DGKH: variants seen among roughly 807,000 people sequenced by gnomAD.
The protein encoded by DGKH is DAG kinase eta.
In DGKH, 90 loss-of-function variants were observed where a neutral mutation model predicts 159.3. That is an observed-to-expected ratio of 0.57 (90% CI 0.48 to 0.67). The LOEUF (loss-of-function observed/expected upper bound fraction) is 0.67. Among genes scored for constraint, DGKH ranks in the 30% least tolerant of loss-of-function variants. The probability of loss-of-function intolerance (pLI) is 0.00; values close to 1 mark genes in which losing one functional copy is unlikely to be tolerated. For missense variants in DGKH, 1,181 were observed against 1,506.1 expected, an observed-to-expected ratio of 0.78 and a Z score of 3.57; for synonymous variants, 536 against 553.8, an observed-to-expected ratio of 0.97 and a Z score of 0.45.
chr13:42,143,459 G>A (rs944206817), intron 3 of DGKH, among the ~76,000 whole-genome samples: 22 of 152,248 alleles, frequency 1.4e-4, no homozygotes, highest in African/African-American at 3.6e-4. Context: ...GATTGGAATG[G>A]TTTCAGAAGG....
intron 1 of DGKH, among the ~76,000 whole-genome samples, chr13:42,041,875 T>C (rs1195355320): frequency 6.6e-6 from 1 of 152,254 alleles, no homozygotes; most frequent in Non-Finnish European, 1.5e-5. Flanking sequence ...GTTCGGATGC[T>C]GTTTTCCCAG....
At chr13:42,202,212 T>C (rs1477819506) in intron 20 of DGKH, among the ~76,000 whole-genome samples, 2 of 152,188 alleles carry the variant, frequency 1.3e-5, no homozygotes, top group Non-Finnish European at 2.9e-5. Context: ...CTCTTTGCCA[T>C]CATTAACAAA....
intron 3 of DGKH, among the ~76,000 whole-genome samples, chr13:42,148,925 A>G (rs1192069107): frequency 1.1e-5 from 1 of 93,650 alleles, no homozygotes; most frequent in East Asian, 3.1e-4. Flanking sequence ...CTTCCCACCC[A>G]CAACCCCGCC....
At chr13:42,129,499 G>A (rs1955243986) in intron 2 of DGKH, 53 bp from the exon 3 acceptor site, 8 of 1,434,274 alleles carry the variant, frequency 5.6e-6, no homozygotes, top group Non-Finnish European at 7.7e-6. Context: ...GTATTGAAGA[G>A]CATTGAGTTA....
intron 2 of DGKH, among the ~76,000 whole-genome samples, chr13:42,128,625 T>C (rs1955220620): frequency 1.1e-5 from 1 of 90,022 alleles, no homozygotes; most frequent in African/African-American, 4.6e-5. Context: ...CAAATAGTCC[T>C]TATTCCATGA....
rs754263451 is a variant in DGKH, at chr13:42,215,559, T to C, written c.3121-16T>C. The C allele has an allele frequency of 1.9e-6, 3 of 1,581,614 alleles. No individual in the cohort carries two copies. The highest frequency in any genetic ancestry group is 3.3e-4 in the Middle Eastern group (2 of 6,018). On this transcript the variant is annotated splice_polypyrimidine_tract_variant and intron_variant, in intron 25 of 29. Coordinates refer to ENST00000337343, the MANE Select transcript of DGKH (RefSeq NM_178009.5). Reference sequence around the variant, plus strand: ...TTTAATACAGATCACATGTCTTTGATATTCTTCTTTTCTAGAGTCTTACAA... The same window carrying C: ...TTTAATACAGATCACATGTCTTTGACATTCTTCTTTTCTAGAGTCTTACAA...
At position 42,162,788 on chromosome 13, in the gene DGKH, G is replaced by C. The variant is rs143462520; in HGVS notation, c.856-2543G>C. Among the ~76,000 whole-genome samples the C allele has an allele frequency of 7.9e-5, 12 of 152,026 alleles. No homozygotes were observed. The East Asian group carries it at 1.9e-3, about 25-fold the overall frequency. On this transcript the variant is annotated intron_variant, in intron 7 of 29. Coordinates refer to ENST00000337343, the MANE Select transcript of DGKH (RefSeq NM_178009.5). ...CATTGCACTCCAGCTTGGGCAACAA[G>C]AGTGAAACTCCATGTCAAAACACAA...
rs540046197 is a variant in DGKH, at chr13:42,085,063, A to G, written c.192+36098A>G. 2.6e-5 allele frequency among the ~76,000 whole-genome samples: 4 copies of G among 152,208 alleles called. No individual in the cohort carries two copies. In the South Asian group the frequency reaches 8.3e-4, roughly 32 times the overall value. On this transcript the variant is annotated intron_variant, in intron 1 of 29. Coordinates refer to ENST00000337343, the MANE Select transcript of DGKH (RefSeq NM_178009.5). ...CCATTTTGAGTTACCCATTTTATGA[A>G]TTGGCATATGATATAATATAAGAAA...
At chr13:42,106,559 A>G (rs1482553990) in intron 1 of DGKH, among the ~76,000 whole-genome samples, 3 of 152,208 alleles carry the variant, frequency 2.0e-5, no homozygotes, top group East Asian at 1.9e-4. Context: ...CAAGACAGCT[A>G]TTCTCAAGTA....
At position 42,219,335 on chromosome 13, in the gene DGKH, C is replaced by G. The variant is rs771383525; in HGVS notation, c.3319C>G (p.Pro1107Ala). Residue 1107 changes from proline to alanine, a missense_variant, in exon 27 of 30, where the codon CCA (proline) becomes GCA (alanine). Coordinates refer to ENST00000337343, the MANE Select transcript of DGKH (RefSeq NM_178009.5). ...TCCTTGGCTTTATTATATCTTACAC[C>G]CAAATGAGGATGAGGTATGTAAAAT... ...EIPWLYYILH[P>A]NEDEEPPMDC... 3.7e-6 allele frequency: 6 copies of G among 1,613,602 alleles called. No individual in the cohort carries two copies. The highest frequency in any genetic ancestry group is 5.1e-6 in the Non-Finnish European group (6 of 1,179,798).
chr13:42,172,545 G>A (rs998266220), intron 11 of DGKH, among the ~76,000 whole-genome samples: 1 of 152,194 alleles, frequency 6.6e-6, no homozygotes, highest in African/African-American at 2.4e-5. Flanking sequence ...ACTAGGTTCT[G>A]TTTAAATATT....
At chr13:42,226,615 G>A (rs940776722) in intron 29 of DGKH, among the ~76,000 whole-genome samples, 4 of 152,040 alleles carry the variant, frequency 2.6e-5, no homozygotes, top group African/African-American at 9.7e-5. Flanking sequence ...CAGCACTTTG[G>A]GAGGCTGAGG....
chr13:42,138,316 C>T (rs1955446925), intron 3 of DGKH, among the ~76,000 whole-genome samples: 1 of 152,100 alleles, frequency 6.6e-6, no homozygotes, highest in Admixed American at 6.6e-5. Context: ...GCTAAATGAC[C>T]ATCTTTCTAG....
intron 13 of DGKH, among the ~76,000 whole-genome samples, chr13:42,184,457 G>A (rs748796451): frequency 6.6e-6 from 1 of 152,196 alleles, no homozygotes; most frequent in Non-Finnish European, 1.5e-5. Context: ...TCAGGTATGT[G>A]AAATGTGGAC....
chr13:42,144,632 A>G (rs13378716), intron 3 of DGKH, among the ~76,000 whole-genome samples: 35,547 of 151,406 alleles, frequency 0.23, 4,425 homozygotes, highest in Middle Eastern at 0.31. Flanking sequence ...GATTGAGCTG[A>G]GATCGTGCCA....
At chr13:42,100,217 C>G (rs1330098462) in intron 1 of DGKH, among the ~76,000 whole-genome samples, 2 of 152,124 alleles carry the variant, frequency 1.3e-5, no homozygotes, top group Non-Finnish European at 2.9e-5. Context: ...CAGTGCATGC[C>G]AGGGATCTAG....
intron 1 of DGKH, among the ~76,000 whole-genome samples, chr13:42,118,611 T>A (rs1299596744): frequency 6.6e-6 from 1 of 152,226 alleles, no homozygotes; most frequent in Non-Finnish European, 1.5e-5. Flanking sequence ...TTCCTACCCC[T>A]ACGGGGTCAA....
At chr13:42,144,490 C>T (rs1251882438) in intron 3 of DGKH, among the ~76,000 whole-genome samples, 1 of 152,036 alleles carries the variant, frequency 6.6e-6, no homozygotes, top group Admixed American at 6.6e-5. Flanking sequence ...AGTTAGAGAC[C>T]AGCCTGGCCA....
chr13:42,228,682 AAGAAAG>A (rs924311278), intron 29 of DGKH, among the ~76,000 whole-genome samples: 4 of 52,910 alleles, frequency 7.6e-5, no homozygotes, highest in African/African-American at 2.1e-4. Context: ...AGAAAGAGAA[AAGAAAG>A]AGAGAGAGAT....
Sources: allele counts gnomAD v4.1 joint callset (sites outside exome capture counted in the v4.1 genomes callset), GRCh38; gene constraint gnomAD v4.1.1; transcripts MANE v1.5; gene names NCBI Gene and HGNC (gene_info 2026-07-23, HGNC 2026-07-21).